Variants in ARL5C observed in about 807,000 individuals in gnomAD.
The protein encoded by ARL5C is putative ADP-ribosylation factor-like protein 5C.
Under a neutral mutation model 20.8 loss-of-function variants are expected in ARL5C, and 21 were observed. That is an observed-to-expected ratio of 1.01 (90% CI 0.72 to 1.46). The LOEUF (loss-of-function observed/expected upper bound fraction) is 1.46. ARL5C is among the 40% of genes most tolerant of loss of function. ARL5C has a pLI of 0.00. For synonymous variants in ARL5C, 71 were observed against 81.6 expected (o/e 0.87, Z 0.70); for missense variants, 199 against 225.1 (o/e 0.88, Z 0.74).
chr17:39,161,302 G>A lies in ARL5C; in HGVS notation c.305C>T (p.Thr102Ile), dbSNP rs1294643019. The part of the protein sequence containing the change: ...DSTDRDRLLT[T>I]REELYKMLAH... Reference sequence around the variant, plus strand: ...CAGCATTTTATATAGCTCCTCCCGAGTGGTCAGCAGCCGATCCCGGTCCGT... The same window carrying A: ...CAGCATTTTATATAGCTCCTCCCGAATGGTCAGCAGCCGATCCCGGTCCGT... The change falls in exon 4 of 6, where the codon ACT becomes ATT. Residue 102 changes from threonine (T) to isoleucine (I), a missense_variant. Thr to Ile is a moderately conservative substitution (Grantham distance 89). Transcript: ENST00000269586. The A allele has an allele frequency of 2.6e-6, 4 of 1,551,820 alleles. No individual in the cohort carries two copies. Among genetic ancestry groups the A allele is most frequent in the Non-Finnish European group, 3.5e-6 (4 of 1,147,014 alleles).
rs766464149 is a variant in ARL5C, at chr17:39,162,807, C to T, written c.159G>A (p.Glu53=). The T allele has an allele frequency of 1.3e-6, 2 of 1,551,484 alleles. No homozygotes were observed. The highest frequency in any genetic ancestry group is 1.7e-6 in the Non-Finnish European group (2 of 1,147,002). Reference sequence around the variant, plus strand: ...AGTGGGTCTTCGGCAGAATGATCTCCTCCACGTTGCTGCCAATGGTGGGAC... The same window carrying T: ...AGTGGGTCTTCGGCAGAATGATCTCTTCCACGTTGCTGCCAATGGTGGGAC... ...HMCPTIGSNV[E]EIILPKTHFF... The change falls in exon 3 of 6, where the codon GAG becomes GAA. Residue 53 remains glutamate, a synonymous_variant. Transcript: ENST00000269586.
chr17:39,162,648 T>C, intron 3 of ARL5C, 63 bp downstream of exon 3: 1 of 1,519,060 alleles, frequency 6.6e-7, no homozygotes, highest in Non-Finnish European at 8.9e-7. Flanking sequence ...TCAGAAAGGT[T>C]ACATGACAGT....
Position 39,166,010 on chromosome 17 carries a change from C to T in ARL5C, c.-250G>A, listed in dbSNP as rs2045461942. The T allele has an allele frequency of 3.7e-6, 2 of 538,956 alleles. No individual in the cohort carries two copies. Among genetic ancestry groups the T allele is most frequent in the South Asian group, 4.5e-5 (2 of 44,802 alleles). The allele number at this position is 538,956 out of a possible 1,614,324, so 33.4% of individuals were successfully genotyped here. ...AAGAGGTGCAAGGAATATGGGGGTT[C>T]CAGGCTCCAGCCCTCCCCCTCGCCC... is the stretch of plus-strand genomic sequence containing the variant. On this transcript the variant is annotated 5_prime_UTR_variant, in exon 1 of 6. Transcript: ENST00000269586.
At chr17:39,157,835 T>G (rs2045413180) in intron 5 of ARL5C, among the ~76,000 whole-genome samples, 2 of 149,346 alleles carry the variant, frequency 1.3e-5, no homozygotes, top group Admixed American at 1.3e-4. Flanking sequence ...GGCTCACGCC[T>G]GTAATCCCAG....
intron 5 of ARL5C, among the ~76,000 whole-genome samples, chr17:39,159,303 T>TC (rs199691577): frequency 1.4e-5 from 2 of 148,034 alleles, no homozygotes; most frequent in South Asian, 4.2e-4. Context: ...CTTTCTTTTT[T>TC]TTTTTTTTTT....
At position 39,165,020 on chromosome 17, in the gene ARL5C, T is replaced by C. The variant is rs534646492; in HGVS notation, c.107+59A>G. On this transcript the variant is annotated intron_variant, in intron 2 of 5. Coordinates refer to ENST00000269586, the MANE Select transcript of ARL5C (RefSeq NM_001143968.1). ...GAAGAGCTCCAGTGATTGGTCCCCCTGCCTGTCAGTCTGGTGGGAGGCCCA... is the reference window on the plus strand; with the variant it reads ...GAAGAGCTCCAGTGATTGGTCCCCCCGCCTGTCAGTCTGGTGGGAGGCCCA... The C allele has an allele frequency of 7.9e-6, 12 of 1,520,602 alleles. No individual in the cohort carries two copies. The East Asian group carries it at 1.5e-4, about 19-fold the overall frequency. The allele number at this position is 1,520,602 out of a possible 1,614,324, so 94.2% of individuals were successfully genotyped here. A position where few individuals can be genotyped will look rare whatever the true frequency, so the allele number is the denominator to read the frequency against.
intron 5 of ARL5C, among the ~76,000 whole-genome samples, chr17:39,157,560 C>T (rs940610612): frequency 9.9e-5 from 15 of 152,032 alleles, no homozygotes; most frequent in Middle Eastern, 3.4e-3. Flanking sequence ...GAGGCGGAGG[C>T]GGGTGGATCA....
chr17:39,157,789 C>CAA (rs35290590), intron 5 of ARL5C, among the ~76,000 whole-genome samples: 27 of 110,264 alleles, frequency 2.4e-4, no homozygotes, highest in Non-Finnish European at 4.5e-4. Flanking sequence ...AAACTCCACT[C>CAA]AAAAAAAAAA....
At chr17:39,159,022 G>GTTTTTTTT (rs869126572) in intron 5 of ARL5C, among the ~76,000 whole-genome samples, 525 of 52,466 alleles carry the variant, frequency 0.01, 166 homozygotes, top group East Asian at 0.029. Context: ...TTTATCACTT[G>GTTTTTTTT]TTTTTTTTTT....
chr17:39,161,315 G>T lies in ARL5C; in HGVS notation c.292C>A (p.Arg98=). The T allele has an allele frequency of 1.3e-6, 2 of 1,551,924 alleles. No individual in the cohort carries two copies. Among genetic ancestry groups the T allele is most frequent in the East Asian group, 2.4e-5 (1 of 41,054 alleles). The part of the protein sequence containing the change: ...ILVIDSTDRD[R]LLTTREELYK... ...AGCTCCTCCCGAGTGGTCAGCAGCCGATCCCGGTCCGTGCTGTCAATCACA... is the reference window on the plus strand; with the variant it reads ...AGCTCCTCCCGAGTGGTCAGCAGCCTATCCCGGTCCGTGCTGTCAATCACA... Residue 98 remains arginine (R), a synonymous_variant, in exon 4 of 6, where the codon CGG becomes AGG. Coordinates refer to ENST00000269586, the MANE Select transcript of ARL5C (RefSeq NM_001143968.1).
At chr17:39,159,934 T>C (rs1481915587) in intron 5 of ARL5C, among the ~76,000 whole-genome samples, 1 of 152,220 alleles carries the variant, frequency 6.6e-6, no homozygotes, top group Non-Finnish European at 1.5e-5. Context: ...TCAAAAGTCA[T>C]CTCTTAAGAG....
chr17:39,157,349 C>T (rs968182125), intron 5 of ARL5C, among the ~76,000 whole-genome samples: 2 of 152,182 alleles, frequency 1.3e-5, no homozygotes, highest in Admixed American at 6.5e-5. Flanking sequence ...GGATTCTTCA[C>T]GGTGATCTGT....
chr17:39,165,898 C>A lies in ARL5C; in HGVS notation c.-138G>T. ...AAGTTAGGGAAGCCCCACACGTCAC[C>A]AACCTGACCTGGGAACCCTCTGGGA... On this transcript the variant is annotated 5_prime_UTR_variant, in exon 1 of 6. Coordinates refer to ENST00000269586, the MANE Select transcript of ARL5C (RefSeq NM_001143968.1). 2.0e-6 allele frequency: 2 copies of A among 978,582 alleles called. No individual in the cohort carries two copies. Among genetic ancestry groups the A allele is most frequent in the African/African-American group, 1.6e-5 (1 of 61,910 alleles). 60.6% of individuals were successfully genotyped at this position (978,582 alleles called of 1,614,324 possible). A position where few individuals can be genotyped will look rare whatever the true frequency, so the allele number is the denominator to read the frequency against.
rs80078994 is a variant in ARL5C, at chr17:39,164,659, A to AT, written c.107+419dup. Among the ~76,000 whole-genome samples the AT allele has an allele frequency of 3.9e-3, 596 of 152,298 alleles. 13 individuals are homozygous for AT. Among genetic ancestry groups the AT allele is most frequent in the East Asian group, 0.038 (198 of 5,182 alleles). ...GATCGGTATTTACTCAGCACCACCC[A>AT]TATGTGCCAGGCTTGCTAGACCAGG... On this transcript the variant is annotated intron_variant, in intron 2 of 5. Transcript: ENST00000269586.
At chr17:39,162,886 G>A in intron 2 of ARL5C, 28 bp from the exon 3 acceptor site, 1 of 1,547,534 alleles carries the variant, frequency 6.5e-7, no homozygotes, top group Non-Finnish European at 8.7e-7. Flanking sequence ...GGCACCAAGA[G>A]CTCAGTCCAG....
At chr17:39,161,516 C>CT (rs35110471) in intron 3 of ARL5C, among the ~76,000 whole-genome samples, 165 bp from the exon 4 acceptor site, 14,099 of 143,010 alleles carry the variant, frequency 0.099, 1,174 homozygotes, top group African/African-American at 0.22. Flanking sequence ...TTATAATTGT[C>CT]TTTTTTTTTT....
chr17:39,160,929 G>A (rs1161024163), intron 4 of ARL5C, among the ~76,000 whole-genome samples, 187 bp from the exon 5 acceptor site: 1 of 152,194 alleles, frequency 6.6e-6, no homozygotes, highest in Non-Finnish European at 1.5e-5. Flanking sequence ...GCAGCTCAAG[G>A]AAAGCCTCTT....
intron 5 of ARL5C, 93 bp downstream of exon 5, chr17:39,160,498 T>C: frequency 6.9e-7 from 1 of 1,458,898 alleles, no homozygotes; most frequent in Non-Finnish European, 9.2e-7. Context: ...GTGAACCAGA[T>C]TCTCACAGGA....
At chr17:39,156,877 G>T (rs1597666800), downstream of ARL5C, 1 of 1,551,640 alleles carries the variant, frequency 6.4e-7, no homozygotes, top group East Asian at 2.4e-5. Context: ...GTTTCTGGTT[G>T]ACCTCAGACT....
Sources: allele counts gnomAD v4.1 joint callset (sites outside exome capture counted in the v4.1 genomes callset), GRCh38; gene constraint gnomAD v4.1.1; transcripts MANE v1.5; gene names NCBI Gene and HGNC (gene_info 2026-07-23, HGNC 2026-07-21).